The following MPP3 variants were observed in gnomAD, a reference collection of about 807,000 sequenced individuals.
MPP3 encodes MAGUK p55 subfamily member 3.
Under a neutral mutation model 80.7 loss-of-function variants are expected in MPP3, and 48 were observed. That is an observed-to-expected ratio of 0.59 (90% CI 0.47 to 0.76). The LOEUF (loss-of-function observed/expected upper bound fraction) is 0.76. MPP3 is among the 30% of genes least tolerant of loss of function. The probability of loss-of-function intolerance (pLI) is 0.00; values close to 1 mark genes in which losing one functional copy is unlikely to be tolerated. For missense variants in MPP3, 620 were observed against 763.0 expected, an observed-to-expected ratio of 0.81 and a Z score of 2.21; for synonymous variants, 311 against 297.6, an observed-to-expected ratio of 1.04 and a Z score of -0.46.
chr17:43,819,015 T>C (rs1447235260), intron 11 of MPP3: 2 of 151,702 alleles, frequency 1.3e-5, no homozygotes, highest in Non-Finnish European at 2.9e-5. Flanking sequence ...AACCCTAAAA[T>C]GGAGATGGGT....
intron 14 of MPP3, 95 bp downstream of exon 14, chr17:43,815,943 C>T: frequency 8.7e-7 from 1 of 1,154,426 alleles, no homozygotes; most frequent in Non-Finnish European, 1.2e-6. Flanking sequence ...CAGAAGGACT[C>T]CTGGGGCTCA....
In MPP3 at chr17:43,831,620, T is replaced by C. The variant is rs202014804; in HGVS notation, c.83A>G (p.Lys28Arg). ...TSQLRPDSNH[K>R]EEMGFLRDVF... is the part of the protein sequence containing the mutation. ...ATCCCTCAGGAAGCCCATCTCCTCC[T>C]TGTGGTTGGAGTCAGGTCTGAGCTG... is the stretch of plus-strand genomic sequence containing the variant. The change falls in exon 4 of 20, where the codon AAG becomes AGG. Residue 28 changes from lysine (K) to arginine (R), a missense_variant. By Grantham distance (26) the Lys-to-Arg change is conservative (BLOSUM62 2). Transcript: ENST00000398389. 7.9e-5 allele frequency: 128 copies of C among 1,613,846 alleles called. No individual in the cohort carries two copies. In the Middle Eastern group the frequency reaches 9.9e-4, roughly 12 times the overall value.
Position 43,808,184 on chromosome 17 carries a change from G to A in MPP3, c.1581+772C>T, listed in dbSNP as rs140820795. The stretch of plus-strand genomic sequence containing the variant: ...GATTGCATCAAAATCTTGACTCAGC[G>A]GGAGCTTCCTGACCAAGGGGAAGGA... On this transcript the variant is annotated intron_variant, in intron 19 of 19. Coordinates refer to ENST00000398389, the MANE Select transcript of MPP3 (RefSeq NM_001932.6). 2.1e-3 allele frequency among the ~76,000 whole-genome samples: 322 copies of A among 152,298 alleles called. 1 individual carries two copies. The highest frequency in any genetic ancestry group is 0.01 in the Middle Eastern group (3 of 294).
intron 19 of MPP3, among the ~76,000 whole-genome samples, chr17:43,804,598 C>G (rs2044539044): frequency 6.6e-6 from 1 of 152,074 alleles, no homozygotes; most frequent in African/African-American, 2.4e-5. Context: ...TAAAAGAAAA[C>G]AAAGGAGTAA....
At chr17:43,805,523 T>C (rs955300641) in intron 19 of MPP3, among the ~76,000 whole-genome samples, 1 of 152,232 alleles carries the variant, frequency 6.6e-6, no homozygotes, top group Non-Finnish European at 1.5e-5. Context: ...TGATTCATAA[T>C]AGCTGAAAAG....
chr17:43,827,698 T>TG (rs1342988614), intron 8 of MPP3, 53 bp downstream of exon 8: 1 of 1,577,006 alleles, frequency 6.3e-7, no homozygotes, highest in African/African-American at 1.3e-5. Context: ...TGGAGGGCTC[T>TG]GGAACAATGG....
At chr17:43,825,310 C>T (rs2045644787) in intron 9 of MPP3, 1 of 157,414 alleles carries the variant, frequency 6.4e-6, no homozygotes, top group Non-Finnish European at 1.4e-5. Flanking sequence ...TTCTGAAGGG[C>T]TTTACCCTTT....
chr17:43,813,334 C>T (rs2044955322), intron 16 of MPP3, among the ~76,000 whole-genome samples: 1 of 152,150 alleles, frequency 6.6e-6, no homozygotes, highest in Non-Finnish European at 1.5e-5. Flanking sequence ...AAGATGATAA[C>T]AATCTCTCTT....
chr17:43,827,010 CTTTTTCTT>C (rs1045586865), intron 8 of MPP3, among the ~76,000 whole-genome samples: 12 of 133,154 alleles, frequency 9.0e-5, no homozygotes, highest in African/African-American at 3.8e-4. Context: ...CCTATATTTT[CTTTTTCTT>C]TTTTTCTTTT....
At chr17:43,812,966 T>C (rs919687410) in intron 16 of MPP3, among the ~76,000 whole-genome samples, 5 of 152,168 alleles carry the variant, frequency 3.3e-5, no homozygotes, top group African/African-American at 1.2e-4. Flanking sequence ...GACTAGACGC[T>C]GGGCCCAGGG....
Position 43,801,696 on chromosome 17 carries a change from T to C in MPP3, c.*5A>G. The stretch of plus-strand genomic sequence containing the variant: ...CCCGTCCAGCTTGGATGTTCTGGGA[T>C]AAAGTTACCTGACCCAACTAACAGG... On this transcript the variant is annotated 3_prime_UTR_variant, in exon 20 of 20. Transcript: ENST00000398389. 1 of 1,614,004 alleles carries C rather than the reference T, an allele frequency of 6.2e-7. No homozygotes were observed. The highest frequency in any genetic ancestry group is 8.5e-7 in the Non-Finnish European group (1 of 1,179,908).
intron 19 of MPP3, 100 bp downstream of exon 19, chr17:43,808,856 G>A (rs1246852563): frequency 6.0e-6 from 8 of 1,336,022 alleles, no homozygotes; most frequent in African/African-American, 1.5e-5. Flanking sequence ...GGTGTGTCCC[G>A]CATCCCTCTT....
At position 43,801,847 on chromosome 17, in the gene MPP3, C is replaced by T; in HGVS notation, c.1612G>A (p.Ala538Thr). The T allele has an allele frequency of 6.8e-6, 11 of 1,613,306 alleles. No homozygotes were observed. Among genetic ancestry groups the T allele is most frequent in the Non-Finnish European group, 9.3e-6 (11 of 1,179,784 alleles). ...CCGTAATGCCGGTCTATGAAGGCGG[C>T]AGAAGCGGCCATCTCTTGCTGCTGC... ...DEQQQEMAAS[A>T]AFIDRHYGHL... Residue 538 changes from alanine (A) to threonine (T), a missense_variant, in exon 20 of 20, where the codon GCC becomes ACC. Physicochemically the swap from Ala to Thr is moderately conservative, Grantham distance 58. Transcript: ENST00000398389.
Position 43,818,034 on chromosome 17 carries a change from C to T in MPP3, c.946+12G>A, listed in dbSNP as rs755012340. On this transcript the variant is annotated intron_variant, in intron 12 of 19. Coordinates refer to ENST00000398389, the MANE Select transcript of MPP3 (RefSeq NM_001932.6). ...GCCCTCCCTGGAGTGCCATCCCTGA[C>T]AATCTACTCACAGGGGGGCTTCCTG... The T allele has an allele frequency of 4.4e-6, 7 of 1,577,866 alleles. No individual in the cohort carries two copies. The highest frequency in any genetic ancestry group is 3.5e-5 in the South Asian group (3 of 86,004).
chr17:43,815,451 A>C (rs961333296), intron 14 of MPP3, among the ~76,000 whole-genome samples: 41 of 152,182 alleles, frequency 2.7e-4, no homozygotes, highest in African/African-American at 9.9e-4. Context: ...AAATTTTTTT[A>C]ATCAGCTGGG....
chr17:43,811,511 G>A (rs920679650), intron 16 of MPP3: 6 of 316,310 alleles, frequency 1.9e-5, no homozygotes, highest in African/African-American at 6.4e-5. Flanking sequence ...AGCCAGAATC[G>A]GTCTCTCTGC....
intron 8 of MPP3, 33 bp from the exon 9 acceptor site, chr17:43,825,874 G>C (rs779978164): frequency 1.6e-5 from 22 of 1,381,406 alleles, no homozygotes; most frequent in Non-Finnish European, 2.2e-5. Flanking sequence ...ATCAGCACAG[G>C]AGGAGGACCT....
chr17:43,824,277 G>A (rs1003640431), intron 9 of MPP3, among the ~76,000 whole-genome samples: 1 of 152,070 alleles, frequency 6.6e-6, no homozygotes, highest in East Asian at 1.9e-4. Context: ...ATTTTCAAAA[G>A]TCAAAGGGAC....
chr17:43,822,678 T>TAAAAAAAAAAAAAAAAAAAAAAA (rs56125167), intron 10 of MPP3, among the ~76,000 whole-genome samples: 2 of 59,070 alleles, frequency 3.4e-5, no homozygotes, highest in Non-Finnish European at 5.5e-5. Flanking sequence ...ACTCCCATCC[T>TAAAAAAAAAAAAAAAAAAAAAAA]AAAAAAAAAA....
Sources: gnomAD v4.1 joint callset for allele counts (sites outside exome capture counted in the v4.1 genomes callset) on GRCh38, gnomAD v4.1.1 for gene constraint, MANE v1.5 for transcripts, NCBI Gene and HGNC (gene_info 2026-07-23, HGNC 2026-07-21) for gene names.